ITGA8: variants seen among roughly 807,000 people sequenced by gnomAD.
ITGA8 encodes integrin subunit alpha 8.
A neutral mutation model predicts 142.3 loss-of-function variants in ITGA8; 91 were observed. That is an observed-to-expected ratio of 0.64 (90% CI 0.54 to 0.76). The LOEUF (loss-of-function observed/expected upper bound fraction) is 0.76. Ranked by LOEUF, ITGA8 falls within the 30% of genes least tolerant of loss-of-function variation. ITGA8 has a pLI of 0.00. For missense variants in ITGA8, 1,406 were observed against 1,327.7 expected (o/e 1.06, Z -0.92); for synonymous variants, 505 against 485.2 (o/e 1.04, Z -0.54).
At chr10:15,696,627 C>T (rs1189909166) in intron 2 of ITGA8, among the ~76,000 whole-genome samples, 2 of 152,100 alleles carry the variant, frequency 1.3e-5, no homozygotes, top group Non-Finnish European at 2.9e-5. Flanking sequence ...AAGTTTGGAA[C>T]AGCCATTTGG....
chr10:15,530,454 A>G (rs1293290989), intron 28 of ITGA8, among the ~76,000 whole-genome samples: 2 of 150,834 alleles, frequency 1.3e-5, no homozygotes, highest in African/African-American at 2.4e-5. Context: ...GCTGAGGCAG[A>G]AGAATTGCTT....
At position 15,516,235 on chromosome 10, in the gene ITGA8, C is replaced by T. The variant is rs2131527148; in HGVS notation, c.*923G>A. 6.6e-6 allele frequency: 1 copy of T among 152,266 alleles called. No individual in the cohort carries two copies. The allele number at this position is 152,266 out of a possible 1,614,324, so 9.4% of individuals were successfully genotyped here. On this transcript the variant is annotated 3_prime_UTR_variant, in exon 30 of 30. Transcript: ENST00000378076. ...CAAAGGTAGAGAGTACCTCGAAATT[C>T]ATGTATTAACTAAGTCAATGGAAAG...
chr10:15,580,244 G>A (rs1834384028), intron 23 of ITGA8, among the ~76,000 whole-genome samples: 1 of 150,974 alleles, frequency 6.6e-6, no homozygotes, highest in African/African-American at 2.4e-5. Flanking sequence ...AGAGAATATT[G>A]TGAACAACTT....
chr10:15,607,733 G>C lies in ITGA8; in HGVS notation c.1708C>G (p.Leu570Val), dbSNP rs775507258. 6.2e-6 allele frequency: 10 copies of C among 1,613,766 alleles called. No homozygotes were observed. The African/African-American group carries it at 1.3e-4, about 22-fold the overall frequency. The change falls in exon 17 of 30, where the codon CTT (leucine) becomes GTT (valine). Residue 570 changes from leucine (L) to valine (V), a missense_variant. Leu to Val is a conservative substitution (Grantham distance 32). Coordinates refer to ENST00000378076, the MANE Select transcript of ITGA8 (RefSeq NM_003638.3). The stretch of plus-strand genomic sequence containing the variant: ...TGGGATTTCTGCCTTTTTATCACAA[G>C]AGGGAAGACGCGATGAGCCTGATGG... ...DNHQAHRVFP[L>V]VIKRQKSHQC...
intron 4 of ITGA8, among the ~76,000 whole-genome samples, chr10:15,679,247 A>C (rs555037395): frequency 1.4e-4 from 21 of 152,310 alleles, no homozygotes; most frequent in African/African-American, 4.8e-4. Flanking sequence ...GCCACCAATA[A>C]GCATTTCCAC....
At chr10:15,637,976 C>G (rs762568645) in intron 13 of ITGA8, among the ~76,000 whole-genome samples, 1 of 152,018 alleles carries the variant, frequency 6.6e-6, no homozygotes, top group Non-Finnish European at 1.5e-5. Flanking sequence ...TAATATTCTA[C>G]AATAAGCACT....
chr10:15,713,754 A>G (rs1835402148), intron 2 of ITGA8, among the ~76,000 whole-genome samples: 1 of 152,168 alleles, frequency 6.6e-6, no homozygotes, highest in Non-Finnish European at 1.5e-5. Flanking sequence ...CAGACCCCCC[A>G]AAACAAAGGC....
intron 6 of ITGA8, among the ~76,000 whole-genome samples, chr10:15,677,232 AG>A (rs1394387088): frequency 2.0e-5 from 3 of 152,220 alleles, no homozygotes; most frequent in Non-Finnish European, 2.9e-5. Flanking sequence ...TAGCACTATA[AG>A]GTGAATATAG....
At chr10:15,532,831 TA>T (rs1247866941) in intron 27 of ITGA8, among the ~76,000 whole-genome samples, 2 of 152,110 alleles carry the variant, frequency 1.3e-5, no homozygotes, top group Middle Eastern at 3.4e-3. Context: ...ATTATATTTC[TA>T]AAAAAAAGGT....
chr10:15,554,078 A>G (rs1302157627), intron 26 of ITGA8, among the ~76,000 whole-genome samples: 2 of 152,126 alleles, frequency 1.3e-5, no homozygotes, highest in Non-Finnish European at 2.9e-5. Flanking sequence ...GCGTTATCCT[A>G]CTTTATTGGA....
At chr10:15,546,707 TAAAG>T (rs1038835631) in intron 27 of ITGA8, among the ~76,000 whole-genome samples, 1 of 115,752 alleles carries the variant, frequency 8.6e-6, no homozygotes, top group Non-Finnish European at 1.9e-5. Context: ...AGAAAGAAAA[TAAAG>T]TAAGAAAGGA....
At chr10:15,601,949 C>A (rs1833111425) in intron 20 of ITGA8, among the ~76,000 whole-genome samples, 1 of 152,132 alleles carries the variant, frequency 6.6e-6, no homozygotes, top group Non-Finnish European at 1.5e-5. Flanking sequence ...GAAGTCTCTG[C>A]CAAAGGGAAA....
intron 28 of ITGA8, among the ~76,000 whole-genome samples, chr10:15,521,213 C>T (rs573762611): frequency 6.6e-6 from 1 of 151,988 alleles, no homozygotes; most frequent in East Asian, 1.9e-4. Context: ...TAGTATAGAC[C>T]TGGTTTCACC....
At chr10:15,566,833 C>G (rs1834089319) in intron 25 of ITGA8, among the ~76,000 whole-genome samples, 1 of 114,668 alleles carries the variant, frequency 8.7e-6, no homozygotes, top group South Asian at 3.0e-4. Flanking sequence ...AAAAAAGAGG[C>G]CGGGTGCAGT....
intron 17 of ITGA8, 30 bp from the exon 18 acceptor site, chr10:15,606,452 G>A (rs1192087627): frequency 1.3e-6 from 2 of 1,572,136 alleles, no homozygotes; most frequent in Non-Finnish European, 1.7e-6. Flanking sequence ...ACTCAACAGA[G>A]GCTCCATGAA....
chr10:15,643,531 C>T (rs528276876), intron 13 of ITGA8, among the ~76,000 whole-genome samples: 6 of 152,264 alleles, frequency 3.9e-5, no homozygotes, highest in African/African-American at 7.2e-5. Context: ...CCACCCACCT[C>T]GGCCTCCTAA....
intron 3 of ITGA8, 111 bp from the exon 4 acceptor site, chr10:15,684,238 G>A: frequency 4.3e-6 from 5 of 1,164,452 alleles, no homozygotes; most frequent in Non-Finnish European, 5.9e-6. Context: ...TGAATTAATT[G>A]GCCTCTAGCA....
chr10:15,522,109 C>T (rs1037560194), intron 28 of ITGA8, among the ~76,000 whole-genome samples: 1 of 152,168 alleles, frequency 6.6e-6, no homozygotes, highest in South Asian at 2.1e-4. Context: ...GTTCCCAACA[C>T]AAAGCAACGA....
chr10:15,675,993 A>G (rs1241954851), intron 6 of ITGA8, among the ~76,000 whole-genome samples: 1 of 152,182 alleles, frequency 6.6e-6, no homozygotes, highest in Non-Finnish European at 1.5e-5. Context: ...TTATGGTAAA[A>G]ATATCATGAA....
Sources: gnomAD v4.1 joint callset for allele counts (sites outside exome capture counted in the v4.1 genomes callset) on GRCh38, gnomAD v4.1.1 for gene constraint, MANE v1.5 for transcripts, NCBI Gene and HGNC (gene_info 2026-07-23, HGNC 2026-07-21) for gene names.